PLCB2: variants seen among roughly 807,000 people sequenced by gnomAD.
PLCB2 encodes 1-phosphatidylinositol 4,5-bisphosphate phosphodiesterase beta-2.
A neutral mutation model predicts 141.7 loss-of-function variants in PLCB2; 115 were observed. The ratio of observed to expected loss-of-function variants is 0.81; its 90% confidence interval spans 0.70 to 0.95. The LOEUF is 0.95. PLCB2 is among the 40% of genes least tolerant of loss of function. The probability of loss-of-function intolerance (pLI) is 0.00; values close to 1 mark genes in which losing one functional copy is unlikely to be tolerated. For synonymous variants in PLCB2, 603 were observed against 595.6 expected, an observed-to-expected ratio of 1.01 and a Z score of -0.18; for missense variants, 1,403 against 1,541.1, an observed-to-expected ratio of 0.91 and a Z score of 1.50.
intron 3 of PLCB2, 73 bp from the exon 4 acceptor site, chr15:40,302,682 C>T: frequency 3.9e-6 from 6 of 1,552,652 alleles, no homozygotes; most frequent in Non-Finnish European, 5.3e-6. Flanking sequence ...CTCTGGCCCT[C>T]CCCTCAGCCA....
At position 40,297,748 on chromosome 15, in the gene PLCB2, G is replaced by T. The variant is rs1431751855; in HGVS notation, c.1238+129C>A. The stretch of plus-strand genomic sequence containing the variant: ...GAGCAGGAGAACATGAGGCCTTAGG[G>T]TGATTATACTGAGACGTGGGAGAAG... On this transcript the variant is annotated intron_variant, in intron 12 of 31. Transcript: ENST00000260402. The surrounding 1 kb of genome is among the most constrained non-coding windows in gnomAD (Gnocchi z 4.2). The T allele has an allele frequency of 3.2e-6, 3 of 947,336 alleles. No individual in the cohort carries two copies. Among genetic ancestry groups the T allele is most frequent in the African/African-American group, 1.6e-5 (1 of 62,262 alleles). The allele number at this position is 947,336 out of a possible 1,614,324, so 58.7% of individuals were successfully genotyped here.
chr15:40,298,082 C>G, intron 11 of PLCB2, 123 bp from the exon 12 acceptor site: 1 of 1,183,740 alleles, frequency 8.4e-7, no homozygotes, highest in Non-Finnish European at 1.2e-6. Context: ...CCATTGGCCC[C>G]CAATCCCTGC....
At position 40,307,767 on chromosome 15, in the gene PLCB2, C is replaced by G. The variant is rs2040870292; in HGVS notation, c.-95G>C. ...CCAGGAGGGGGAGCCAAGCTGGGCT[C>G]AAATGGCACCCATCCCCGAGCTGCT... On this transcript the variant is annotated 5_prime_UTR_variant, in exon 1 of 32. The change abolishes the stop of an existing upstream ORF in the 5' untranslated region. Coordinates refer to ENST00000260402, the MANE Select transcript of PLCB2 (RefSeq NM_004573.3). 1 of 1,003,592 alleles carries G rather than the reference C, an allele frequency of 1.0e-6. No homozygotes were observed. Among genetic ancestry groups the G allele is most frequent in the East Asian group, 2.7e-5 (1 of 37,040 alleles). The allele number at this position is 1,003,592 out of a possible 1,614,324, so 62.2% of individuals were successfully genotyped here. A position where few individuals can be genotyped will look rare whatever the true frequency, so the allele number is the denominator to read the frequency against.
At chr15:40,303,478 C>A in intron 2 of PLCB2, 122 bp from the exon 3 acceptor site, 1 of 712,786 alleles carries the variant, frequency 1.4e-6, no homozygotes, top group Non-Finnish European at 2.5e-6. Context: ...GCCAACACCT[C>A]TCTCTAGATG....
rs1001387392 is a variant in PLCB2, at chr15:40,288,958, G to A, written c.3355-40C>T. On this transcript the variant is annotated intron_variant, in intron 31 of 31. Coordinates refer to ENST00000260402, the MANE Select transcript of PLCB2 (RefSeq NM_004573.3). ...AGGACCCCTGCCTGGCTCAGGAGGG[G>A]CCTGCTGGCCACCCTCGCTCCCTGG... 1.3e-5 allele frequency: 21 copies of A among 1,604,322 alleles called. No individual in the cohort carries two copies. The African/African-American group carries it at 2.1e-4, about 16-fold the overall frequency.
At position 40,298,288 on chromosome 15, in the gene PLCB2, T is replaced by TC; in HGVS notation, c.1089dup (p.Lys364GlufsTer4). The TC allele has an allele frequency of 6.2e-7, 1 of 1,604,122 alleles. No homozygotes were observed. On this transcript the variant is annotated frameshift_variant, in exon 11 of 32. Coordinates refer to ENST00000260402, the MANE Select transcript of PLCB2 (RefSeq NM_004573.3). LOFTEE classifies it high-confidence loss of function. ...ATAATGGGCTCCTCGTCAGGGGGTT[T>TC]CCCCTTCCAGCAGTCTAGCTCCACG... is the stretch of plus-strand genomic sequence containing the variant.
chr15:40,307,559 T>C (rs1239493299), intron 1 of PLCB2, 30 bp downstream of exon 1: 20 of 1,422,298 alleles, frequency 1.4e-5, no homozygotes, highest in Admixed American at 1.9e-5. Context: ...CACCTGGTGC[T>C]CCAGCAGCTG....
At position 40,302,618 on chromosome 15, in the gene PLCB2, C is replaced by T. The variant is rs1391222905; in HGVS notation, c.232-9G>A. 1.4e-5 allele frequency: 23 copies of T among 1,613,794 alleles called. No homozygotes were observed. Among genetic ancestry groups the T allele is most frequent in the Middle Eastern group, 1.6e-4 (1 of 6,082 alleles). ...TCCCGGAGCTTCTGGCTCTGCAGCA[C>T]GTGGTGGTATGGTTAGGATGGAGGT... On this transcript the variant is annotated splice_polypyrimidine_tract_variant and intron_variant, in intron 3 of 31. Transcript: ENST00000260402.
chr15:40,304,032 C>G lies in PLCB2; in HGVS notation c.131G>C (p.Gly44Ala). The G allele has an allele frequency of 6.3e-7, 1 of 1,599,426 alleles. No individual in the cohort carries two copies. The change falls in exon 2 of 32, where the codon GGC becomes GCC. Residue 44 changes from glycine (G) to alanine (A), a missense_variant. Around this residue, in one of 4 missense-constraint regions of PLCB2, gnomAD observed 975 missense variants for 1,141.1 expected, o/e 0.85. Coordinates refer to ENST00000260402, the MANE Select transcript of PLCB2 (RefSeq NM_004573.3). ...SPVILRVDPK[G>A]YYLYWTYQSK... ...TTGATACGTCCAGTATAAGTAGTAGCCCTTAGGATCCACACGGAGGATAAC... is the reference window on the plus strand; with the variant it reads ...TTGATACGTCCAGTATAAGTAGTAGGCCTTAGGATCCACACGGAGGATAAC...
chr15:40,297,693 G>C lies in PLCB2; in HGVS notation c.1239-88C>G. 1 of 1,140,388 alleles carries C rather than the reference G, an allele frequency of 8.8e-7. No homozygotes were observed. The highest frequency in any genetic ancestry group is 1.3e-6 in the Non-Finnish European group (1 of 767,256). The allele number at this position is 1,140,388 out of a possible 1,614,324, so 70.6% of individuals were successfully genotyped here. Reference sequence around the variant, plus strand: ...TTTGTGCCCTTGATGACCCAGATCAGGGGCCAGGAGGTCAGGGAGGCTGGG... The same window carrying C: ...TTTGTGCCCTTGATGACCCAGATCACGGGCCAGGAGGTCAGGGAGGCTGGG... On this transcript the variant is annotated intron_variant, in intron 12 of 31. Transcript: ENST00000260402. This position sits in a 1 kb window ranked among gnomAD's most constrained non-coding sequence, Gnocchi z 4.2.
chr15:40,290,984 CTGGTGGGGT>C, intron 27 of PLCB2, 25 bp downstream of exon 27: 1 of 1,570,444 alleles, frequency 6.4e-7, no homozygotes, highest in Non-Finnish European at 8.6e-7. Context: ...GTCGGTGGGG[CTGGTGGGGT>C]TGTCGCCCTG....
In PLCB2 at chr15:40,302,534, A is replaced by T. The variant is rs377094129; in HGVS notation, c.307T>A (p.Ser103Thr). The change falls in exon 4 of 32, where the codon TCC becomes ACC. Residue 103 changes from serine to threonine, a missense_variant. Coordinates refer to ENST00000260402, the MANE Select transcript of PLCB2 (RefSeq NM_004573.3). Reference sequence around the variant, plus strand: ...GTGAGGTCCACCATGTCCGGGCCGGACACCACCGTGAGTGTCTTCAGCAGG... The same window carrying T: ...GTGAGGTCCACCATGTCCGGGCCGGTCACCACCGTGAGTGTCTTCAGCAGG... ...SFLLKTLTVV[S>T]GPDMVDLTFH... 6.2e-7 allele frequency: 1 copy of T among 1,614,036 alleles called. No individual in the cohort carries two copies. Among genetic ancestry groups the T allele is most frequent in the African/African-American group, 1.3e-5 (1 of 74,922 alleles).
At chr15:40,289,953 GAGAGAGAGAGA>G in intron 30 of PLCB2, 61 bp downstream of exon 30, 2 of 649,070 alleles carry the variant, frequency 3.1e-6, no homozygotes, top group African/African-American at 2.0e-5. Flanking sequence ...GAGAGAGAGA[GAGAGAGAGAGA>G]GAGAGTGTGT....
rs551814550 is a variant in PLCB2 at position 40,304,363 on chromosome 15, T to A, written c.85-285A>T. Among the ~76,000 whole-genome samples the A allele has an allele frequency of 3.3e-5, 5 of 152,206 alleles. No individual in the cohort carries two copies. The East Asian group carries it at 9.7e-4, about 29-fold the overall frequency. On this transcript the variant is annotated intron_variant, in intron 1 of 31. Coordinates refer to ENST00000260402, the MANE Select transcript of PLCB2 (RefSeq NM_004573.3). ...CCTCATCTCATAGAGCGAGACTCCC[T>A]ACTGCCACCCAGGAGAGATTGACAC...
intron 1 of PLCB2, among the ~76,000 whole-genome samples, chr15:40,304,414 T>A (rs1277204664): frequency 6.6e-6 from 1 of 152,106 alleles, no homozygotes; most frequent in South Asian, 2.1e-4. Flanking sequence ...CCCAAACTCC[T>A]GCACCAGCAT....
At chr15:40,292,198 G>C in intron 22 of PLCB2, 40 bp from the exon 23 acceptor site, 1 of 1,583,962 alleles carries the variant, frequency 6.3e-7, no homozygotes, top group Non-Finnish European at 8.7e-7. Flanking sequence ...AGTGTATATG[G>C]AGATGTGGCT....
At position 40,307,751 on chromosome 15, in the gene PLCB2, G is replaced by A. The variant is rs556559971; in HGVS notation, c.-79C>T. The A allele has an allele frequency of 2.4e-6, 3 of 1,272,896 alleles. No individual in the cohort carries two copies. The highest frequency in any genetic ancestry group is 1.5e-5 in the South Asian group (1 of 66,124). 78.9% of individuals were successfully genotyped at this position (1,272,896 alleles called of 1,614,324 possible). On this transcript the variant is annotated 5_prime_UTR_variant, in exon 1 of 32. Transcript: ENST00000260402. ...GCAGGAAGGAGGCCAGCCAGGAGGG[G>A]GAGCCAAGCTGGGCTCAAATGGCAC...
At chr15:40,296,187 C>T (rs1256553340) in intron 16 of PLCB2, 109 bp downstream of exon 16, 2 of 799,242 alleles carry the variant, frequency 2.5e-6, no homozygotes, top group Non-Finnish European at 4.1e-6. Context: ...CTTAAGCAAG[C>T]CCTTTGCCTG....
downstream of PLCB2, chr15:40,284,443 A>C: frequency 2.2e-6 from 1 of 454,744 alleles, no homozygotes; most frequent in Admixed American, 2.4e-5. Context: ...ACGTACCAAC[A>C]CAGTCCTTGG....
Sources: allele counts gnomAD v4.1 joint callset (sites outside exome capture counted in the v4.1 genomes callset), GRCh38; gene constraint gnomAD v4.1.1; regional missense constraint gnomAD v4.1.1; non-coding constraint Gnocchi (gnomAD v3.1); transcripts MANE v1.5; gene names NCBI Gene and HGNC (gene_info 2026-07-23, HGNC 2026-07-21).